The following ADAM12 variants were observed in gnomAD, a reference collection of about 807,000 sequenced individuals.
ADAM12 encodes the protein disintegrin and metalloproteinase domain-containing protein 12.
Under a neutral mutation model 106.4 loss-of-function variants are expected in ADAM12, and 70 were observed. The ratio of observed to expected loss-of-function variants is 0.66; its 90% CI spans 0.54 to 0.80. ADAM12 has a LOEUF of 0.80. ADAM12 is among the 30% of genes least tolerant of loss of function. ADAM12 has a pLI of 0.00. For synonymous variants in ADAM12, 420 were observed against 433.5 expected, an observed-to-expected ratio of 0.97 and a Z score of 0.39; for missense variants, 1,010 against 1,171.9, an observed-to-expected ratio of 0.86 and a Z score of 2.02.
At chr10:126,121,160 ATATAC>A (rs1956094717) in intron 5 of ADAM12, among the ~76,000 whole-genome samples, 1 of 60,572 alleles carries the variant, frequency 1.7e-5, no homozygotes, top group Non-Finnish European at 2.9e-5. Flanking sequence ...TATATACTAT[ATATAC>A]TATATATACT....
chr10:126,287,251 T>C (rs547657969), intron 2 of ADAM12, among the ~76,000 whole-genome samples: 4 of 152,320 alleles, frequency 2.6e-5, no homozygotes, highest in Admixed American at 6.5e-5. Context: ...CGTGCATCTG[T>C]CTGAGGACAA....
intron 3 of ADAM12, among the ~76,000 whole-genome samples, chr10:126,170,359 A>G (rs4962511): frequency 0.83 from 125,241 of 151,446 alleles, 54,033 homozygotes; most frequent in Non-Finnish European, 0.95. Context: ...CCCACGGAGC[A>G]GTTCAATTCC....
intron 2 of ADAM12, among the ~76,000 whole-genome samples, chr10:126,324,976 C>T (rs1315128263): frequency 6.6e-6 from 1 of 152,016 alleles, no homozygotes. Flanking sequence ...CTGCTATTTT[C>T]ACTTATGTGA....
intron 3 of ADAM12, among the ~76,000 whole-genome samples, chr10:126,240,170 G>A (rs1958495050): frequency 1.3e-5 from 2 of 152,380 alleles, no homozygotes; most frequent in Admixed American, 6.5e-5. Flanking sequence ...GCTGAGCACT[G>A]TCCTTGCCTC....
rs1193345518 is a variant in ADAM12 at position 126,247,252 on chromosome 10, C to G, written c.260+31663G>C. Among the ~76,000 whole-genome samples, 3 of 152,230 alleles carry G rather than the reference C, an allele frequency of 2.0e-5. No individual in the cohort carries two copies. The East Asian group carries it at 5.8e-4, about 29-fold the overall frequency. On this transcript the variant is annotated intron_variant, in intron 3 of 22. Coordinates refer to ENST00000448723, the MANE Select transcript of ADAM12 (RefSeq NM_001288973.2). ...GAAGGAGAATCAAATGCGTCCTTTA[C>G]TTAAACATTGCTGCCTTTAGAGAGA...
intron 22 of ADAM12, among the ~76,000 whole-genome samples, 173 bp downstream of exon 22, chr10:126,019,522 A>G (rs2176099): frequency 0.58 from 88,483 of 151,714 alleles, 27,226 homozygotes; most frequent in Non-Finnish European, 0.68. Context: ...ATAAGCTCAC[A>G]GGGACTGCTT....
At chr10:126,328,974 G>C (rs1854406976) in intron 2 of ADAM12, among the ~76,000 whole-genome samples, 1 of 152,096 alleles carries the variant, frequency 6.6e-6, no homozygotes, top group Non-Finnish European at 1.5e-5. Flanking sequence ...AGGAAGCTGG[G>C]GGTCACAAAC....
At chr10:126,192,047 G>A (rs1187154165) in intron 3 of ADAM12, among the ~76,000 whole-genome samples, 1 of 152,102 alleles carries the variant, frequency 6.6e-6, no homozygotes, top group Non-Finnish European at 1.5e-5. Flanking sequence ...CAGCACCAAG[G>A]GGAAAGTCTG....
chr10:126,163,901 A>G (rs936552369), intron 3 of ADAM12, among the ~76,000 whole-genome samples: 9 of 152,252 alleles, frequency 5.9e-5, no homozygotes, highest in Non-Finnish European at 1.2e-4. Flanking sequence ...AACGCAACCC[A>G]ATCTGGATAG....
chr10:126,323,252 C>T (rs1162708535), intron 2 of ADAM12, among the ~76,000 whole-genome samples: 1 of 152,158 alleles, frequency 6.6e-6, no homozygotes, highest in Non-Finnish European at 1.5e-5. Flanking sequence ...GAGGTGCTAC[C>T]ATCTAGCCTG....
chr10:126,377,465 T>A (rs1856333886), intron 1 of ADAM12, among the ~76,000 whole-genome samples: 1 of 144,592 alleles, frequency 6.9e-6, no homozygotes, highest in Non-Finnish European at 1.5e-5. Context: ...TCTTTTCACA[T>A]TTTTTTTTTC....
chr10:126,145,444 G>C (rs1051426360), intron 4 of ADAM12: 1 of 148,972 alleles, frequency 6.7e-6, no homozygotes, highest in African/African-American at 2.5e-5. Context: ...TCAGTGTTTT[G>C]TTCCAAGTGA....
chr10:126,209,183 C>T (rs895501715), intron 3 of ADAM12, among the ~76,000 whole-genome samples: 37 of 152,292 alleles, frequency 2.4e-4, no homozygotes, highest in South Asian at 2.1e-4. Context: ...CTAATTGCTT[C>T]TTATGGCTAC....
intron 3 of ADAM12, among the ~76,000 whole-genome samples, chr10:126,214,212 C>T (rs11244888): frequency 0.052 from 7,856 of 152,196 alleles, 425 homozygotes; most frequent in East Asian, 0.13. Context: ...TGGTCGTATG[C>T]GCAGAACACC....
In ADAM12 at chr10:126,038,362, C is replaced by A; in HGVS notation, c.2241-13G>T. On this transcript the variant is annotated splice_polypyrimidine_tract_variant and intron_variant, in intron 19 of 22. Coordinates refer to ENST00000448723, the MANE Select transcript of ADAM12 (RefSeq NM_001288973.2). ...AGGGCGCACACACCTGCAACAGAAT[C>A]CCATACCTGCTGACCAAGCGTGTTT... 1 of 1,551,816 alleles carries A rather than the reference C, an allele frequency of 6.4e-7. No homozygotes were observed.
intron 2 of ADAM12, among the ~76,000 whole-genome samples, chr10:126,315,974 T>C (rs554295725): frequency 2.0e-5 from 3 of 152,260 alleles, no homozygotes; most frequent in Admixed American, 1.3e-4. Context: ...AAACCAGCAA[T>C]AACTTTTGGC....
At chr10:126,370,322 T>C (rs1856065517) in intron 1 of ADAM12, among the ~76,000 whole-genome samples, 1 of 152,240 alleles carries the variant, frequency 6.6e-6, no homozygotes, top group African/African-American at 2.4e-5. Flanking sequence ...AATGCACTCA[T>C]GCATGTGCAT....
At position 126,240,817 on chromosome 10, in the gene ADAM12, G is replaced by A. The variant is rs182771720; in HGVS notation, c.260+38098C>T. On this transcript the variant is annotated intron_variant, in intron 3 of 22. Transcript: ENST00000448723. ...GCCTGGAAGGTCACAGTCAGGAGAC[G>A]CCGGGTCCTTCTGAGAACAACACAG... Among the ~76,000 whole-genome samples, 8 of 152,344 alleles carry A rather than the reference G, an allele frequency of 5.3e-5. 1 individual carries two copies. In the South Asian group the frequency reaches 8.3e-4, roughly 16 times the overall value.
At chr10:126,236,560 C>T (rs563361589) in intron 3 of ADAM12, among the ~76,000 whole-genome samples, 1 of 152,274 alleles carries the variant, frequency 6.6e-6, no homozygotes, top group South Asian at 2.1e-4. Context: ...GCAAGCACGG[C>T]TCTGCGGGGG....
Sources: gnomAD v4.1 joint callset for allele counts (sites outside exome capture counted in the v4.1 genomes callset) on GRCh38, gnomAD v4.1.1 for gene constraint, MANE v1.5 for transcripts, NCBI Gene and HGNC (gene_info 2026-07-23, HGNC 2026-07-21) for gene names.